Variants in EIF2B3 observed in about 807,000 individuals in gnomAD.
EIF2B3 encodes eukaryotic translation initiation factor 2B subunit gamma, also known as translation initiation factor eIF2B subunit gamma.
A neutral mutation model predicts 54.1 loss-of-function variants in EIF2B3; 20 were observed. The ratio of observed to expected loss-of-function variants is 0.37; its 90% confidence interval spans 0.26 to 0.54. EIF2B3 has a LOEUF of 0.54. EIF2B3 is among the 20% of genes least tolerant of loss of function. EIF2B3 has a pLI of 0.86. For synonymous variants in EIF2B3, 153 were observed against 188.1 expected, an observed-to-expected ratio of 0.81 and a Z score of 1.52; for missense variants, 448 against 547.8, an observed-to-expected ratio of 0.82 and a Z score of 1.82.
At chr1:44,867,089 G>C (rs1221591878) in intron 10 of EIF2B3, among the ~76,000 whole-genome samples, 2 of 151,850 alleles carry the variant, frequency 1.3e-5, no homozygotes, top group African/African-American at 4.8e-5. Flanking sequence ...TTTCTTACCT[G>C]GCTCTGAGGT....
intron 3 of EIF2B3, among the ~76,000 whole-genome samples, chr1:44,947,293 CCAAAACA>C (rs1366697408): frequency 5.9e-5 from 9 of 152,132 alleles, no homozygotes; most frequent in Admixed American, 4.6e-4. Flanking sequence ...TTTAAAGTGT[CCAAAACA>C]CCCAGGAATT....
chr1:44,931,534 A>T (rs1206933680), intron 4 of EIF2B3, among the ~76,000 whole-genome samples: 1 of 152,250 alleles, frequency 6.6e-6, no homozygotes, highest in South Asian at 2.1e-4. Context: ...CTTAGGCCAA[A>T]CTGCCAACCT....
At chr1:44,920,038 CT>C (rs111287818) in intron 5 of EIF2B3, among the ~76,000 whole-genome samples, 22,153 of 137,602 alleles carry the variant, frequency 0.16, 1,759 homozygotes, top group Non-Finnish European at 0.18. Flanking sequence ...CTTTTTCTTT[CT>C]TTTTTTTTTT....
intron 3 of EIF2B3, among the ~76,000 whole-genome samples, chr1:44,959,839 A>T (rs918605164): frequency 6.6e-6 from 1 of 152,052 alleles, no homozygotes; most frequent in African/African-American, 2.4e-5. Context: ...ATTTGTTTCA[A>T]CTCTGGGCTG....
intron 4 of EIF2B3, among the ~76,000 whole-genome samples, chr1:44,936,552 T>C (rs866790832): frequency 2.1e-4 from 32 of 151,940 alleles, no homozygotes; most frequent in African/African-American, 6.0e-4. Context: ...GATCGCGCCA[T>C]TGCACTCCAG....
chr1:44,883,291 A>G (rs1342563274), intron 6 of EIF2B3, among the ~76,000 whole-genome samples: 1 of 151,990 alleles, frequency 6.6e-6, no homozygotes, highest in Non-Finnish European at 1.5e-5. Context: ...TCAAAATGAA[A>G]CTGCCTTTAT....
intron 3 of EIF2B3, chr1:44,958,699 G>C (rs1377763330): frequency 2.5e-6 from 4 of 1,597,096 alleles, no homozygotes; most frequent in Non-Finnish European, 3.4e-6. Context: ...CCAGCTATCT[G>C]TGCTGCCTGA....
chr1:44,973,911 G>A (rs1466275854), intron 3 of EIF2B3, among the ~76,000 whole-genome samples: 1 of 152,084 alleles, frequency 6.6e-6, no homozygotes, highest in East Asian at 1.9e-4. Context: ...TTATAAATGT[G>A]CTTAATACCA....
chr1:44,944,843 T>C (rs1163102834), intron 3 of EIF2B3, among the ~76,000 whole-genome samples: 2 of 151,662 alleles, frequency 1.3e-5, no homozygotes, highest in East Asian at 3.9e-4. Flanking sequence ...AAATAAATAG[T>C]CTGGAAAACA....
chr1:44,885,231 A>AG (rs1260621202), intron 6 of EIF2B3, among the ~76,000 whole-genome samples: 7 of 152,232 alleles, frequency 4.6e-5, no homozygotes, highest in Non-Finnish European at 1.0e-4. Flanking sequence ...CTTGACTACT[A>AG]GCAAACAATC....
At chr1:44,863,663 A>G (rs894292052) in intron 10 of EIF2B3, among the ~76,000 whole-genome samples, 3 of 152,202 alleles carry the variant, frequency 2.0e-5, no homozygotes, top group African/African-American at 7.2e-5. Context: ...TCTTTCTTTC[A>G]TCCCATTTCC....
chr1:44,917,755 C>CT lies in EIF2B3; in HGVS notation c.566+8872dup, dbSNP rs869139321. ...TATTTATTTTGCCACCAATAACACT[C>CT]TTTTTTTTTTTTTTTTTTTTTTTTT... is the stretch of plus-strand genomic sequence containing the variant. On this transcript the variant is annotated intron_variant, in intron 5 of 11. Coordinates refer to ENST00000360403, the MANE Select transcript of EIF2B3 (RefSeq NM_020365.5). 2.8e-3 allele frequency among the ~76,000 whole-genome samples: 126 copies of CT among 44,238 alleles called. 51 individuals carry two copies. Among genetic ancestry groups the CT allele is most frequent in the East Asian group, 6.3e-3 (8 of 1,260 alleles). 29.0% of individuals were successfully genotyped at this position (44,238 alleles called of 152,430 possible).
intron 1 of EIF2B3, among the ~76,000 whole-genome samples, chr1:44,982,260 C>T (rs1412348504): frequency 2.6e-5 from 4 of 152,176 alleles, no homozygotes; most frequent in African/African-American, 9.7e-5. Flanking sequence ...ACAGAAACTA[C>T]CACAGAACAG....
intron 3 of EIF2B3, among the ~76,000 whole-genome samples, chr1:44,969,555 C>T (rs970646173): frequency 2.0e-5 from 3 of 151,792 alleles, no homozygotes; most frequent in African/African-American, 7.3e-5. Flanking sequence ...AAAAAGTGCC[C>T]TTATTTTTAT....
chr1:44,890,511 T>TA (rs1270104499), intron 6 of EIF2B3, among the ~76,000 whole-genome samples: 2 of 152,174 alleles, frequency 1.3e-5, no homozygotes, highest in African/African-American at 4.8e-5. Context: ...CTTTGGGAAA[T>TA]AAAAAATGTT....
chr1:44,878,502 A>T (rs535668392), intron 8 of EIF2B3, among the ~76,000 whole-genome samples: 2 of 152,154 alleles, frequency 1.3e-5, no homozygotes, highest in East Asian at 3.9e-4. Flanking sequence ...ACCTCAGGCG[A>T]TCCACCCGTC....
intron 3 of EIF2B3, among the ~76,000 whole-genome samples, chr1:44,952,112 G>A (rs576182380): frequency 7.3e-6 from 1 of 136,436 alleles, no homozygotes; most frequent in Non-Finnish European, 1.6e-5. Context: ...ACAGGCGCCC[G>A]CCACTACGCC....
At chr1:44,861,734 T>C (rs985375162) in intron 10 of EIF2B3, among the ~76,000 whole-genome samples, 11 of 152,108 alleles carry the variant, frequency 7.2e-5, no homozygotes, top group African/African-American at 2.7e-4. Context: ...GCGGATATGA[T>C]AGGGAAAGTG....
intron 3 of EIF2B3, among the ~76,000 whole-genome samples, chr1:44,957,188 C>T (rs1295739694): frequency 1.3e-5 from 2 of 152,178 alleles, no homozygotes; most frequent in African/African-American, 4.8e-5. Flanking sequence ...ATCACCTGAG[C>T]TCAGGGGATG....
Sources: gnomAD v4.1 joint callset for allele counts (sites outside exome capture counted in the v4.1 genomes callset) on GRCh38, gnomAD v4.1.1 for gene constraint, MANE v1.5 for transcripts, NCBI Gene and HGNC (gene_info 2026-07-23, HGNC 2026-07-21) for gene names.